The following BCOR variants were observed in gnomAD, a reference collection of about 807,000 sequenced individuals.
BCOR encodes the protein BCL6 corepressor.
In BCOR, 10 loss-of-function variants were observed where a neutral mutation model predicts 86.7. The observed-to-expected ratio is 0.12, with a 90% CI of 0.07 to 0.20. BCOR has a LOEUF of 0.20. BCOR is among the 10% of genes least tolerant of loss of function. The probability of loss-of-function intolerance (pLI) is 1.00; values close to 1 mark genes in which losing one functional copy is unlikely to be tolerated. For synonymous variants in BCOR, 611 were observed against 609.0 expected (o/e 1.00, Z -0.05); for missense variants, 1,259 against 1,452.1 (o/e 0.87, Z 2.16).
At chrX:40,066,927 C>T (rs990522410) in intron 6 of BCOR, among the ~76,000 whole-genome samples, 1 of 96,297 alleles carries the variant, frequency 1.0e-5, no homozygotes, top group Admixed American at 1.1e-4. Context: ...AGACACCCCC[C>T]CCCCCCCATC....
At chrX:40,153,985 G>A (rs1253865557) in intron 1 of BCOR, among the ~76,000 whole-genome samples, 2 of 111,597 alleles carry the variant, frequency 1.8e-5, no homozygotes, top group African/African-American at 3.3e-5. Context: ...AGCTGCGACC[G>A]AGGGCGCAAG....
At chrX:40,120,178 A>G (rs1937462799) in intron 1 of BCOR, among the ~76,000 whole-genome samples, 1 of 110,810 alleles carries the variant, frequency 9.0e-6, no homozygotes, top group African/African-American at 3.3e-5. Flanking sequence ...TGGCAGCATT[A>G]ACGGGTTGCC....
chrX:40,072,524 T>A lies in BCOR; in HGVS notation c.2822A>T (p.Lys941Ile). ...TGATTCAGCCTCATCAGCTCCATCT[T>A]TGGTATAGGTGGGGGTCACATCCAC... is the stretch of plus-strand genomic sequence containing the variant. ...PSVDVTPTYT[K>I]DGADEAESND... The change falls in exon 4 of 15, where the codon AAA (lysine) becomes ATA (isoleucine). Residue 941 changes from lysine to isoleucine, a missense_variant. This residue lies in a region of BCOR where 534 missense variants were observed against 594.8 expected (regional missense o/e 0.90). Transcript: ENST00000378444. The A allele has an allele frequency of 5.0e-6, 6 of 1,211,953 alleles. No homozygotes were observed. Among genetic ancestry groups the A allele is most frequent in the Non-Finnish European group, 6.7e-6 (6 of 895,538 alleles).
intron 1 of BCOR, among the ~76,000 whole-genome samples, chrX:40,135,005 G>A (rs1294620461): frequency 9.0e-6 from 1 of 111,569 alleles, no homozygotes; most frequent in Non-Finnish European, 1.9e-5. Context: ...TTCATTGAAA[G>A]GAGGCCCAAA....
At chrX:40,147,618 A>AGC (rs1241892132) in intron 1 of BCOR, among the ~76,000 whole-genome samples, 1 of 113,338 alleles carries the variant, frequency 8.8e-6, no homozygotes, top group Admixed American at 9.2e-5. Context: ...GGAGAGGCAG[A>AGC]GCGCGACCCG....
upstream of BCOR, among the ~76,000 whole-genome samples, chrX:40,100,868 A>G (rs1937060809): frequency 9.1e-6 from 1 of 110,165 alleles, no homozygotes; most frequent in African/African-American, 3.3e-5. Context: ...GTAATTTGCA[A>G]CATCCTCCCC....
Position 40,055,523 on chromosome X carries a change from G to A in BCOR, c.4596-10C>T. Reference sequence around the variant, plus strand: ...AGCATCGTGCAGAGGCCTAGGAAGAGAGGCGCAATAGAATTATGCTCATGC... The same window carrying A: ...AGCATCGTGCAGAGGCCTAGGAAGAAAGGCGCAATAGAATTATGCTCATGC... On this transcript the variant is annotated splice_polypyrimidine_tract_variant and intron_variant, in intron 11 of 14. Transcript: ENST00000378444. 1 of 1,211,117 alleles carries A rather than the reference G, an allele frequency of 8.3e-7. No individual in the cohort carries two copies. Among genetic ancestry groups the A allele is most frequent in the Non-Finnish European group, 1.1e-6 (1 of 895,155 alleles).
intron 1 of BCOR, among the ~76,000 whole-genome samples, chrX:40,089,233 G>A (rs1162686952): frequency 9.0e-6 from 1 of 111,489 alleles, no homozygotes; most frequent in African/African-American, 3.3e-5. Context: ...CCTAAAGGTG[G>A]ATAATTATTC....
At chrX:40,090,363 G>T (rs1207814030) in intron 1 of BCOR, among the ~76,000 whole-genome samples, 1 of 113,435 alleles carries the variant, frequency 8.8e-6, no homozygotes, top group Middle Eastern at 4.3e-3. Context: ...CCAGCCCTCT[G>T]CAAGTGGCGT....
chrX:40,074,543 G>A lies in BCOR; in HGVS notation c.803C>T (p.Ser268Leu). The A allele has an allele frequency of 1.7e-6, 2 of 1,210,170 alleles. No individual in the cohort carries two copies. Among genetic ancestry groups the A allele is most frequent in the South Asian group, 1.8e-5 (1 of 56,709 alleles). ...PSSLASPMRLSTPSASPAIPP... is the reference protein window; with the variant it reads ...PSSLASPMRLLTPSASPAIPP... Reference sequence around the variant, plus strand: ...GATGGCTGGGGAGGCCGAAGGTGTCGAGAGCCTCATGGGTGATGCCAAGGA... The same window carrying A: ...GATGGCTGGGGAGGCCGAAGGTGTCAAGAGCCTCATGGGTGATGCCAAGGA... Residue 268 changes from serine to leucine, a missense_variant, in exon 4 of 15, where the codon TCG becomes TTG. By Grantham distance (145) the Ser-to-Leu change is moderately radical. This residue lies in a region of BCOR where 534 missense variants were observed against 594.8 expected (regional missense o/e 0.90). Coordinates refer to ENST00000378444, the MANE Select transcript of BCOR (RefSeq NM_001123385.2).
intron 1 of BCOR, among the ~76,000 whole-genome samples, chrX:40,122,744 A>G (rs1157822023): frequency 9.0e-6 from 1 of 111,122 alleles, no homozygotes; most frequent in Admixed American, 9.5e-5. Flanking sequence ...TCGGTCACCC[A>G]TCCCGAAAAT....
chrX:40,094,142 G>T, intron 1 of BCOR, among the ~76,000 whole-genome samples: 1 of 111,326 alleles, frequency 9.0e-6, no homozygotes, highest in Non-Finnish European at 1.9e-5. Context: ...GGCCTTTAAA[G>T]GGTTAAGAGA....
At chrX:40,071,444 CT>C in intron 5 of BCOR, among the ~76,000 whole-genome samples, 192 bp downstream of exon 5, 1 of 111,883 alleles carries the variant, frequency 8.9e-6, no homozygotes, top group Non-Finnish European at 1.9e-5. Flanking sequence ...CAGACATTCT[CT>C]TTTGAAGGTA....
At chrX:40,150,107 G>A (rs1407533976) in intron 1 of BCOR, among the ~76,000 whole-genome samples, 5 of 112,820 alleles carry the variant, frequency 4.4e-5, no homozygotes, top group African/African-American at 1.6e-4. Context: ...CAGGCCTGAA[G>A]AGGAACATGT....
At chrX:40,135,686 G>A (rs987741582) in intron 1 of BCOR, among the ~76,000 whole-genome samples, 6 of 111,619 alleles carry the variant, frequency 5.4e-5, no homozygotes, top group African/African-American at 1.6e-4. Flanking sequence ...CACCGCGCCC[G>A]GCCCTTCATG....
intron 1 of BCOR, among the ~76,000 whole-genome samples, chrX:40,154,198 G>A (rs967231929): frequency 8.9e-6 from 1 of 112,609 alleles, no homozygotes; most frequent in Non-Finnish European, 1.9e-5. Context: ...AGCGGGAAGC[G>A]CGCTGTCCTT....
At chrX:40,056,687 G>A (rs1934615924) in intron 11 of BCOR, among the ~76,000 whole-genome samples, 1 of 112,083 alleles carries the variant, frequency 8.9e-6, no homozygotes, top group African/African-American at 3.2e-5. Context: ...ACTCAGACCT[G>A]GGTCTCTGAC....
chrX:40,097,032 A>C (rs749783207), intron 1 of BCOR, among the ~76,000 whole-genome samples, 183 bp downstream of exon 1: 40 of 113,006 alleles, frequency 3.5e-4, no homozygotes, highest in African/African-American at 1.2e-3. Flanking sequence ...TGCATTTTAA[A>C]TAACATAGCT....
chrX:40,158,974 G>A (rs996612904), intron 1 of BCOR, among the ~76,000 whole-genome samples: 5 of 111,458 alleles, frequency 4.5e-5, no homozygotes, highest in Non-Finnish European at 7.5e-5. Context: ...AAAAGGCACC[G>A]TGAGGTGAAC....
Sources: allele counts gnomAD v4.1 joint callset (sites outside exome capture counted in the v4.1 genomes callset), GRCh38; gene constraint gnomAD v4.1.1; regional missense constraint gnomAD v4.1.1; transcripts MANE v1.5; gene names NCBI Gene and HGNC (gene_info 2026-07-23, HGNC 2026-07-21).